RPH3AL: variants seen among roughly 807,000 people sequenced by gnomAD.
RPH3AL encodes rab effector Noc2.
RPH3AL carries 38 observed loss-of-function variants against 43.1 expected under a neutral mutation model. The ratio of observed to expected loss-of-function variants is 0.88; its 90% CI spans 0.68 to 1.15. RPH3AL has a LOEUF of 1.15. Among genes scored for constraint, RPH3AL ranks in the 50% most tolerant of loss-of-function variants. The probability of loss-of-function intolerance (pLI) is 0.00; values close to 1 mark genes in which losing one functional copy is unlikely to be tolerated. For missense variants in RPH3AL, 462 were observed against 423.2 expected, an observed-to-expected ratio of 1.09 and a Z score of -0.81; for synonymous variants, 189 against 176.3, an observed-to-expected ratio of 1.07 and a Z score of -0.57.
intron 6 of RPH3AL, among the ~76,000 whole-genome samples, chr17:267,725 C>T (rs1382735352): frequency 6.6e-6 from 1 of 152,208 alleles, no homozygotes; most frequent in Non-Finnish European, 1.5e-5. Flanking sequence ...CCTCTGTCTT[C>T]CACAGTCATC....
In RPH3AL at chr17:344,695, TCA is replaced by T. The variant is rs1331457137; in HGVS notation, c.-213+8015_-213+8016del. Among the ~76,000 whole-genome samples, 6 of 133,714 alleles carry T rather than the reference TCA, an allele frequency of 4.5e-5. 2 individuals carry two copies. In the East Asian group the frequency reaches 1.5e-3, roughly 32 times the overall value. The allele number at this position is 133,714 out of a possible 152,430, so 87.7% of individuals were successfully genotyped here. ...CATCATCACCACCATCACTGTCATC[TCA>T]GTTACCACCATCACTATAATCATCA... On this transcript the variant is annotated intron_variant, in intron 1 of 9. Transcript: ENST00000331302.
At chr17:324,418 C>T (rs988363956) in intron 3 of RPH3AL, among the ~76,000 whole-genome samples, 2 of 152,220 alleles carry the variant, frequency 1.3e-5, no homozygotes, top group Admixed American at 6.5e-5. Flanking sequence ...CTCCATGCAG[C>T]TGACGGAGGC....
chr17:221,511 A>T (rs1555530979), intron 7 of RPH3AL, among the ~76,000 whole-genome samples: 1 of 45,826 alleles, frequency 2.2e-5, no homozygotes, highest in Admixed American at 2.1e-4. Context: ...GCCTCCACTC[A>T]CTGAGACAAT....
chr17:252,324 A>T (rs1330877591), intron 6 of RPH3AL, among the ~76,000 whole-genome samples: 1 of 152,176 alleles, frequency 6.6e-6, no homozygotes, highest in African/African-American at 2.4e-5. Flanking sequence ...ATACAAAATT[A>T]GCACAACAAA....
intron 3 of RPH3AL, among the ~76,000 whole-genome samples, chr17:324,689 A>AGC (rs1235085478): frequency 4.3e-4 from 64 of 147,324 alleles, no homozygotes; most frequent in Middle Eastern, 3.5e-3. Context: ...CTTTCTATCT[A>AGC]TCTAGCTAGC....
At chr17:227,469 C>T (rs1028634942) in intron 7 of RPH3AL, among the ~76,000 whole-genome samples, 3 of 62 alleles carry the variant, frequency 0.048, no homozygotes, top group Non-Finnish European at 0.094. Context: ...CACAGCACTG[C>T]GCTGGGGATG....
At chr17:332,904 CCG>C (rs1742412795) in intron 2 of RPH3AL, 2 of 786,444 alleles carry the variant, frequency 2.5e-6, no homozygotes, top group African/African-American at 3.6e-5. Flanking sequence ...TTGTAAAACC[CCG>C]CAGTACAGGG....
At chr17:254,312 C>T (rs1260027338) in intron 6 of RPH3AL, among the ~76,000 whole-genome samples, 1 of 1,044 alleles carries the variant, frequency 9.6e-4, no homozygotes, top group Non-Finnish European at 1.5e-3. Flanking sequence ...TGAGGGGAGC[C>T]GCACGGCGTC....
Position 281,101 on chromosome 17 carries a change from C to G in RPH3AL, c.438+667G>C, listed in dbSNP as rs116982709. Among the ~76,000 whole-genome samples the G allele has an allele frequency of 6.2e-3, 939 of 152,258 alleles. 2 individuals are homozygous for G. Among genetic ancestry groups the G allele is most frequent in the South Asian group, 0.022 (106 of 4,830 alleles). On this transcript the variant is annotated intron_variant, in intron 6 of 9. Transcript: ENST00000331302. ...CACAGGGAGGTTCTGACTGTCCCTG[C>G]CCATCTGCTACTCCCCAGAGTCCTT...
At chr17:236,762 A>G (rs924841135) in intron 7 of RPH3AL, among the ~76,000 whole-genome samples, 2 of 152,244 alleles carry the variant, frequency 1.3e-5, no homozygotes, top group African/African-American at 4.8e-5. Context: ...GTGGTCCCTG[A>G]TCCTCACAAC....
At chr17:276,199 A>G (rs1032872216) in intron 6 of RPH3AL, among the ~76,000 whole-genome samples, 8 of 152,252 alleles carry the variant, frequency 5.3e-5, no homozygotes, top group Non-Finnish European at 1.2e-4. Context: ...AGGAATGACA[A>G]GGTTCACCGT....
At chr17:262,685 A>T (rs1444253713) in intron 6 of RPH3AL, among the ~76,000 whole-genome samples, 2 of 152,120 alleles carry the variant, frequency 1.3e-5, no homozygotes, top group Non-Finnish European at 2.9e-5. Context: ...GGCGTGCAAA[A>T]GTCAAGCGAC....
intron 5 of RPH3AL, among the ~76,000 whole-genome samples, chr17:312,433 A>G (rs796471355): frequency 4.6e-5 from 7 of 152,326 alleles, no homozygotes; most frequent in African/African-American, 1.7e-4. Flanking sequence ...CAGCACCTTG[A>G]TCTCAGAATT....
Position 283,473 on chromosome 17 carries a change from C to T in RPH3AL, c.352-1619G>A, listed in dbSNP as rs556425086. On this transcript the variant is annotated intron_variant, in intron 5 of 9. Coordinates refer to ENST00000331302, the MANE Select transcript of RPH3AL (RefSeq NM_006987.4). This position sits in a 1 kb window ranked among gnomAD's most constrained non-coding sequence, Gnocchi z 4.2. The stretch of plus-strand genomic sequence containing the variant: ...TTATCCAAAGAAAATGCAATCTGCT[C>T]CAAGCTCCTGTCCCTCTGGATTGGC... Among the ~76,000 whole-genome samples the T allele has an allele frequency of 5.9e-5, 9 of 152,292 alleles. No individual in the cohort carries two copies. Among genetic ancestry groups the T allele is most frequent in the Non-Finnish European group, 1.2e-4 (8 of 68,018 alleles).
chr17:253,582 G>C (rs147255024), intron 6 of RPH3AL, among the ~76,000 whole-genome samples: 21 of 152,214 alleles, frequency 1.4e-4, no homozygotes, highest in Admixed American at 2.6e-4. Flanking sequence ...CCCATCTCCA[G>C]AACTTGCCAA....
intron 6 of RPH3AL, among the ~76,000 whole-genome samples, chr17:265,191 ATCC>A (rs2042292181): frequency 2.0e-5 from 3 of 152,104 alleles, no homozygotes; most frequent in Admixed American, 1.3e-4. Flanking sequence ...GGCTCAATCG[ATCC>A]TCCCACCTAG....
intron 8 of RPH3AL, among the ~76,000 whole-genome samples, chr17:219,276 T>G (rs79110903): frequency 0.25 from 32,874 of 130,070 alleles, 4,542 homozygotes; most frequent in Middle Eastern, 0.36. Context: ...TGGGCTCACA[T>G]CAACCTCCAC....
At chr17:306,878 G>C (rs995161753) in intron 5 of RPH3AL, among the ~76,000 whole-genome samples, 1 of 149,884 alleles carries the variant, frequency 6.7e-6, no homozygotes, top group Non-Finnish European at 1.5e-5. Context: ...TCCTTCTCAT[G>C]CCCCAGCATA....
At chr17:226,385 A>T (rs564391111) in intron 7 of RPH3AL, among the ~76,000 whole-genome samples, 46 of 152,364 alleles carry the variant, frequency 3.0e-4, no homozygotes, top group African/African-American at 1.1e-3. Context: ...AGCCGTGAAG[A>T]AGCAGGGAAG....
Sources: gnomAD v4.1 joint callset for allele counts (sites outside exome capture counted in the v4.1 genomes callset) on GRCh38, gnomAD v4.1.1 for gene constraint, Gnocchi (gnomAD v3.1) non-coding constraint, MANE v1.5 for transcripts, NCBI Gene and HGNC (gene_info 2026-07-23, HGNC 2026-07-21) for gene names.